The following YIPF4 variants were observed in gnomAD, a reference collection of about 807,000 sequenced individuals.
YIPF4 encodes Yip1 domain family member 4, also known as protein YIPF4.
Under a neutral mutation model 29.4 loss-of-function variants are expected in YIPF4, and 18 were observed. The ratio of observed to expected loss-of-function variants is 0.61; its 90% confidence interval spans 0.42 to 0.91. The LOEUF is 0.91. Among genes scored for constraint, YIPF4 ranks in the 40% least tolerant of loss-of-function variants. The pLI is 0.00. For missense variants in YIPF4, 279 were observed against 282.7 expected, an observed-to-expected ratio of 0.99 and a Z score of 0.09; for synonymous variants, 115 against 104.7, an observed-to-expected ratio of 1.10 and a Z score of -0.60.
chr2:32,301,325 A>G (rs543441563), intron 4 of YIPF4, 57 bp from the exon 5 acceptor site: 2 of 1,135,660 alleles, frequency 1.8e-6, no homozygotes, highest in East Asian at 4.7e-5. Context: ...TTCAATTTTG[A>G]TTAAAATGAG....
chr2:32,293,632 A>G (rs1394667006), intron 3 of YIPF4, among the ~76,000 whole-genome samples: 4 of 151,974 alleles, frequency 2.6e-5, no homozygotes, highest in Admixed American at 1.3e-4. Flanking sequence ...GGTGGTGGCC[A>G]GGCAGAGGGG....
chr2:32,280,479 A>T (rs2030350032), intron 1 of YIPF4, among the ~76,000 whole-genome samples: 1 of 148,922 alleles, frequency 6.7e-6, no homozygotes, highest in African/African-American at 2.5e-5. Context: ...TCCCGGGTTC[A>T]CGCCATTCTC....
In YIPF4 at chr2:32,315,001, T is replaced by C. The variant is rs2031793300; in HGVS notation, c.*9375T>C. ...CTGTGATTACTAGCTTCACTGTGAG[T>C]TTATTTTTTCACGTAATAAATCCAA... On this transcript the variant is annotated 3_prime_UTR_variant, in exon 6 of 6. Transcript: ENST00000238831. 1 of 152,160 alleles carries C rather than the reference T, an allele frequency of 6.6e-6. No individual in the cohort carries two copies. The highest frequency in any genetic ancestry group is 2.1e-4 in the South Asian group (1 of 4,828). The allele number at this position is 152,160 out of a possible 1,614,324, so 9.4% of individuals were successfully genotyped here. A position where few individuals can be genotyped will look rare whatever the true frequency, so the allele number is the denominator to read the frequency against.
chr2:32,302,033 C>CTT (rs753050630), intron 5 of YIPF4, among the ~76,000 whole-genome samples: 14 of 134,406 alleles, frequency 1.0e-4, no homozygotes, highest in East Asian at 4.3e-4. Context: ...TTCTTTCTTT[C>CTT]TTTTTTTTTT....
At chr2:32,282,296 TCTC>T (rs1327172956) in intron 1 of YIPF4, among the ~76,000 whole-genome samples, 3 of 152,178 alleles carry the variant, frequency 2.0e-5, no homozygotes, top group Non-Finnish European at 4.4e-5. Context: ...TATTCTGCTA[TCTC>T]CTCAAGTTTC....
chr2:32,281,969 C>A (rs574021194), intron 1 of YIPF4, among the ~76,000 whole-genome samples: 1 of 150,264 alleles, frequency 6.7e-6, no homozygotes, highest in African/African-American at 2.4e-5. Context: ...GTCAGCTACT[C>A]TGAGTCTCAC....
Position 32,302,019 on chromosome 2 carries a change from C to CT in YIPF4, c.597+529dup, listed in dbSNP as rs564816323. ...CACACCCGGCCTGGTCAGCATTTTTCTTTTTCTTTCTTTCTTTTTTTTTTT... is the reference window on the plus strand; with the variant it reads ...CACACCCGGCCTGGTCAGCATTTTTCTTTTTTCTTTCTTTCTTTTTTTTTTT... On this transcript the variant is annotated intron_variant, in intron 5 of 5. Coordinates refer to ENST00000238831, the MANE Select transcript of YIPF4 (RefSeq NM_032312.4). Among the ~76,000 whole-genome samples the CT allele has an allele frequency of 2.8e-5, 4 of 143,398 alleles. No individual in the cohort carries two copies. The South Asian group carries it at 9.0e-4, about 32-fold the overall frequency. 94.1% of individuals were successfully genotyped at this position (143,398 alleles called of 152,430 possible).
chr2:32,282,062 G>GA (rs61157556), intron 1 of YIPF4, among the ~76,000 whole-genome samples: 2,466 of 140,410 alleles, frequency 0.018, 53 homozygotes, highest in African/African-American at 0.06. Flanking sequence ...GACCCTGGCT[G>GA]AAAAAAAAAA....
In YIPF4 at chr2:32,282,929, T is replaced by C. The variant is rs545154979; in HGVS notation, c.79+4695T>C. 5.1e-4 allele frequency among the ~76,000 whole-genome samples: 78 copies of C among 151,902 alleles called. 1 individual carries two copies. The South Asian group carries it at 0.016, about 31-fold the overall frequency. Reference sequence around the variant, plus strand: ...GTCTCTACTAAAAATACAAAAAAATTAGCCGGGGGTGGTGGCGGGTGCCTG... The same window carrying C: ...GTCTCTACTAAAAATACAAAAAAATCAGCCGGGGGTGGTGGCGGGTGCCTG... On this transcript the variant is annotated intron_variant, in intron 1 of 5. Coordinates refer to ENST00000238831, the MANE Select transcript of YIPF4 (RefSeq NM_032312.4).
intron 5 of YIPF4, among the ~76,000 whole-genome samples, chr2:32,304,956 G>A (rs1490382191): frequency 2.0e-5 from 3 of 150,966 alleles, no homozygotes; most frequent in Non-Finnish European, 4.4e-5. Context: ...CCTATTCCTG[G>A]GAAAAAACTT....
intron 3 of YIPF4, among the ~76,000 whole-genome samples, chr2:32,297,348 C>T (rs894557158): frequency 6.6e-6 from 1 of 151,834 alleles, no homozygotes; most frequent in Non-Finnish European, 1.5e-5. Context: ...CTTGAACTCC[C>T]GACCTCAGGT....
At chr2:32,285,854 C>G (rs542285786) in intron 1 of YIPF4, among the ~76,000 whole-genome samples, 25 of 152,044 alleles carry the variant, frequency 1.6e-4, no homozygotes, top group Non-Finnish European at 2.9e-4. Flanking sequence ...TGGGGTTTCA[C>G]TGTCTTGGCC....
intron 3 of YIPF4, among the ~76,000 whole-genome samples, chr2:32,295,612 C>CT (rs920064343): frequency 1.3e-4 from 20 of 151,234 alleles, no homozygotes; most frequent in Middle Eastern, 3.4e-3. Context: ...CAGTTTCCAT[C>CT]TTTTTTTTTA....
intron 3 of YIPF4, among the ~76,000 whole-genome samples, chr2:32,294,802 C>T (rs1295206192): frequency 1.3e-5 from 2 of 152,344 alleles, no homozygotes; most frequent in East Asian, 1.9e-4. Flanking sequence ...AACCAGACAC[C>T]GTCTGCAATC....
At chr2:32,299,681 G>C (rs1223222366) in intron 4 of YIPF4, among the ~76,000 whole-genome samples, 2 of 152,050 alleles carry the variant, frequency 1.3e-5, no homozygotes, top group Non-Finnish European at 2.9e-5. Context: ...AGGCATAGTG[G>C]TGTGTGCCTG....
chr2:32,280,903 ATTGT>A (rs1188218639), intron 1 of YIPF4, among the ~76,000 whole-genome samples: 1 of 152,190 alleles, frequency 6.6e-6, no homozygotes, highest in Non-Finnish European at 1.5e-5. Context: ...GTTTAAAAAA[ATTGT>A]TTAAGTGTCA....
Position 32,298,303 on chromosome 2 carries a change from G to C in YIPF4, c.475G>C (p.Gly159Arg). Residue 159 changes from glycine (G) to arginine (R), a missense_variant, in exon 4 of 6, where the codon GGT (glycine) becomes CGT (arginine). Gly to Arg is a moderately radical substitution (Grantham distance 125, BLOSUM62 -2). Coordinates refer to ENST00000238831, the MANE Select transcript of YIPF4 (RefSeq NM_032312.4). The stretch of plus-strand genomic sequence containing the variant: ...AATTTTCTTACTGGCCAGAGTTCTT[G>C]GTGGAGAAGTAAGTAGTTTATTTTG... ...LTIFLLARVL[G>R]GEVAYGQVLG... The C allele has an allele frequency of 1.2e-6, 2 of 1,605,924 alleles. No individual in the cohort carries two copies. The highest frequency in any genetic ancestry group is 1.7e-6 in the Non-Finnish European group (2 of 1,174,412).
chr2:32,316,002 G>A lies in YIPF4; in HGVS notation c.*10376G>A, dbSNP rs1256356682. ...TCAAGACCTGCCTGGGCAATATAGCGAGACCCCGTTCTCCCCAAAAAGGAA... is the reference window on the plus strand; with the variant it reads ...TCAAGACCTGCCTGGGCAATATAGCAAGACCCCGTTCTCCCCAAAAAGGAA... On this transcript the variant is annotated 3_prime_UTR_variant, in exon 6 of 6. Transcript: ENST00000238831. The A allele has an allele frequency of 1.5e-5, 2 of 131,350 alleles. No homozygotes were observed. Among genetic ancestry groups the A allele is most frequent in the Non-Finnish European group, 3.1e-5 (2 of 64,650 alleles). The allele number at this position is 131,350 out of a possible 1,614,324, so 8.1% of individuals were successfully genotyped here.
intron 1 of YIPF4, among the ~76,000 whole-genome samples, chr2:32,283,432 T>G (rs933909766): frequency 2.0e-5 from 3 of 152,208 alleles, no homozygotes; most frequent in African/African-American, 7.2e-5. Context: ...TCCTTACTAT[T>G]TCTCCACACA....
Sources: gnomAD v4.1 joint callset for allele counts (sites outside exome capture counted in the v4.1 genomes callset) on GRCh38, gnomAD v4.1.1 for gene constraint, MANE v1.5 for transcripts, NCBI Gene and HGNC (gene_info 2026-07-23, HGNC 2026-07-21) for gene names.